NTMT1: variants seen among roughly 807,000 people sequenced by gnomAD.
The protein encoded by NTMT1 is N-terminal Xaa-Pro-Lys N-methyltransferase 1, also known as N-terminal RCC1 methyltransferase.
A neutral mutation model predicts 17.5 loss-of-function variants in NTMT1; 8 were observed. That is an observed-to-expected ratio of 0.46 (90% CI 0.27 to 0.82). NTMT1 has a LOEUF of 0.82. NTMT1 is among the 40% of genes least tolerant of loss of function. The probability of loss-of-function intolerance (pLI) is 0.15; values close to 1 mark genes in which losing one functional copy is unlikely to be tolerated. For synonymous variants in NTMT1, 128 were observed against 126.8 expected, an observed-to-expected ratio of 1.01 and a Z score of -0.06; for missense variants, 221 against 303.5, an observed-to-expected ratio of 0.73 and a Z score of 2.02.
chr9:129,613,273 G>C lies in NTMT1; in HGVS notation c.-55+4095G>C. The C allele has an allele frequency of 6.3e-7, 1 of 1,587,022 alleles. No homozygotes were observed. The highest frequency in any genetic ancestry group is 8.6e-7 in the Non-Finnish European group (1 of 1,164,518). On this transcript the variant is annotated intron_variant, in intron 1 of 3. Coordinates refer to the NTMT1 transcript ENST00000372486. This position sits in a 1 kb window ranked among gnomAD's most constrained non-coding sequence, Gnocchi z 6.2. ...GGACCTGGGGGAGACAGGACCCCATGAGCTTCCTGGACTCTGAGTCCCCGG... is the reference window on the plus strand; with the variant it reads ...GGACCTGGGGGAGACAGGACCCCATCAGCTTCCTGGACTCTGAGTCCCCGG...
intron 1 of NTMT1, among the ~76,000 whole-genome samples, chr9:129,630,185 A>T (rs1276527074): frequency 6.6e-6 from 1 of 151,598 alleles, no homozygotes; most frequent in African/African-American, 2.4e-5. Flanking sequence ...ACCAATGAAA[A>T]ATCTTGGCTG....
chr9:129,633,366 C>G (rs1831298940), intron 2 of NTMT1: 3 of 234,116 alleles, frequency 1.3e-5, no homozygotes, highest in Non-Finnish European at 2.5e-5. Flanking sequence ...TCCAGCGCCT[C>G]CCCTCCCTCC....
intron 1 of NTMT1, among the ~76,000 whole-genome samples, chr9:129,616,817 G>A (rs935158616): frequency 2.0e-5 from 3 of 152,092 alleles, no homozygotes; most frequent in Non-Finnish European, 2.9e-5. Context: ...GGTGGCTCAC[G>A]CCTGTAATCC....
At chr9:129,626,583 C>T (rs1001669295) in intron 1 of NTMT1, 2 of 152,382 alleles carry the variant, frequency 1.3e-5, no homozygotes, top group African/African-American at 4.8e-5. Context: ...CGCAGCAAAT[C>T]CCTTTCTCTG....
In NTMT1 at chr9:129,613,705, A is replaced by AT; in HGVS notation, c.-55+4528dup. ...CAGGGCCGGTCAGAGCCCTGTCTCC[A>AT]TGGCAACCCCAGGCTCCCCAGCGCC... On this transcript the variant is annotated intron_variant, in intron 1 of 3. Coordinates refer to the NTMT1 transcript ENST00000372486. The surrounding 1 kb of genome is among the most constrained non-coding windows in gnomAD (Gnocchi z 6.2). The AT allele has an allele frequency of 7.1e-7, 1 of 1,411,440 alleles. No homozygotes were observed. The highest frequency in any genetic ancestry group is 1.3e-5 in the South Asian group (1 of 76,530). 87.4% of individuals were successfully genotyped at this position (1,411,440 alleles called of 1,614,324 possible). A position where few individuals can be genotyped will look rare whatever the true frequency, so the allele number is the denominator to read the frequency against.
chr9:129,622,235 G>A (rs1830752451), upstream of NTMT1, among the ~76,000 whole-genome samples: 1 of 152,218 alleles, frequency 6.6e-6, no homozygotes, highest in African/African-American at 2.4e-5. Flanking sequence ...TCTCACGCCT[G>A]TAATCCCAGC....
At position 129,617,107 on chromosome 9, in the gene NTMT1, C is replaced by T. The variant is rs900968420; in HGVS notation, c.-55+7929C>T. Among the ~76,000 whole-genome samples the T allele has an allele frequency of 3.9e-5, 6 of 152,148 alleles. No homozygotes were observed. The South Asian group carries it at 8.3e-4, about 21-fold the overall frequency. Reference sequence around the variant, plus strand: ...AAAATCAGCCTCAAGGGCAAGGCTGCGGGAAGGCCTGCTTGACCCACCTAT... The same window carrying T: ...AAAATCAGCCTCAAGGGCAAGGCTGTGGGAAGGCCTGCTTGACCCACCTAT... On this transcript the variant is annotated intron_variant, in intron 1 of 3. Transcript: ENST00000372486.
intron 2 of NTMT1, chr9:129,633,340 T>C: frequency 3.8e-6 from 1 of 263,216 alleles, no homozygotes; most frequent in East Asian, 6.6e-5. Context: ...GAGGCTGCTG[T>C]TGGCCACCTG....
chr9:129,615,587 C>A (rs1423040990), intron 1 of NTMT1: 4 of 1,606,298 alleles, frequency 2.5e-6, no homozygotes, highest in Non-Finnish European at 3.4e-6. Context: ...TAGAGCCTTC[C>A]CCCGAGGGGT....
At chr9:129,633,801 CCAACCTGAACAGAATGCAGAATG>C (rs1831334720) in intron 2 of NTMT1, 4 of 440,164 alleles carry the variant, frequency 9.1e-6, no homozygotes, top group Non-Finnish European at 8.1e-6. Flanking sequence ...CCACTGCATT[CCAACCTGAACAGAATGCAGAATG>C]CAACCTGAAC....
chr9:129,628,614 A>T (rs148870323), intron 1 of NTMT1: 1 of 152,220 alleles, frequency 6.6e-6, no homozygotes, highest in African/African-American at 2.4e-5. Flanking sequence ...CAGTTAGTCA[A>T]TGCCCACCTG....
intron 1 of NTMT1, among the ~76,000 whole-genome samples, chr9:129,611,588 C>T (rs74811322): frequency 0.012 from 1,871 of 152,270 alleles, 34 homozygotes; most frequent in South Asian, 0.052. Flanking sequence ...CGCCCTCACT[C>T]CATTGTGGAT....
chr9:129,628,222 C>T (rs1401847264), intron 1 of NTMT1, among the ~76,000 whole-genome samples: 1 of 152,182 alleles, frequency 6.6e-6, no homozygotes, highest in African/African-American at 2.4e-5. Flanking sequence ...TTAGGGACCT[C>T]CTCCTGCCCC....
intron 3 of NTMT1, chr9:129,634,830 G>T: frequency 3.8e-6 from 1 of 261,386 alleles, no homozygotes. Flanking sequence ...GCCTTTGTGG[G>T]GACTTCTAGT....
At chr9:129,615,009 T>A (rs551161904) in intron 1 of NTMT1, among the ~76,000 whole-genome samples, 8 of 152,362 alleles carry the variant, frequency 5.3e-5, no homozygotes, top group South Asian at 2.1e-4. Context: ...CAGTGCCAAC[T>A]GTCTCCAGGA....
Position 129,620,576 on chromosome 9 carries a change from C to T in NTMT1, c.-55+11398C>T. ...TGGGCGAAGTCGACGCCAGAACATG[C>T]TTGGCCCCGCACTCAGCTCACCGCA... On this transcript the variant is annotated intron_variant, in intron 1 of 3. Transcript: ENST00000372486. This position sits in a 1 kb window ranked among gnomAD's most constrained non-coding sequence, Gnocchi z 5.8. The T allele has an allele frequency of 1.5e-6, 2 of 1,358,760 alleles. No homozygotes were observed. The highest frequency in any genetic ancestry group is 1.9e-5 in the South Asian group (1 of 53,464). The allele number at this position is 1,358,760 out of a possible 1,614,324, so 84.2% of individuals were successfully genotyped here.
In NTMT1 at chr9:129,634,111, A is replaced by AG. The variant is rs1564349654; in HGVS notation, c.222dup (p.Ile75AspfsTer114). 6.2e-7 allele frequency: 1 copy of AG among 1,614,100 alleles called. No individual in the cohort carries two copies. The highest frequency in any genetic ancestry group is 1.1e-5 in the South Asian group (1 of 91,074). The stretch of plus-strand genomic sequence containing the variant: ...CCTGGACTGTGGAGCTGGCATTGGG[A>AG]GGATCACCAAGCGGCTGCTCCTGCC... On this transcript the variant is annotated frameshift_variant, in exon 3 of 4. Coordinates refer to ENST00000372483, the MANE Select transcript of NTMT1 (RefSeq NM_014064.4). LOFTEE classifies it high-confidence loss of function.
At chr9:129,623,047 G>T (rs1177510707), upstream of NTMT1, among the ~76,000 whole-genome samples, 1 of 147,130 alleles carries the variant, frequency 6.8e-6, no homozygotes, top group Non-Finnish European at 1.5e-5. Context: ...AAAAAAGAAA[G>T]AAAGAGCCGG....
upstream of NTMT1, among the ~76,000 whole-genome samples, chr9:129,625,659 A>T (rs185461615): frequency 4.7e-4 from 72 of 152,076 alleles, no homozygotes; most frequent in African/African-American, 1.6e-3. Flanking sequence ...TGAGGCCAGG[A>T]GTTCAAGATC....
Sources: allele counts gnomAD v4.1 joint callset (sites outside exome capture counted in the v4.1 genomes callset), GRCh38; gene constraint gnomAD v4.1.1; non-coding constraint Gnocchi (gnomAD v3.1); transcripts MANE v1.5; gene names NCBI Gene and HGNC (gene_info 2026-07-23, HGNC 2026-07-21).